Variants in ENOX2 observed in about 807,000 individuals in gnomAD.
ENOX2 encodes APK1 antigen.
In ENOX2, 36 loss-of-function variants were observed where a neutral mutation model predicts 45.0. That is an observed-to-expected ratio of 0.80 (90% confidence interval 0.61 to 1.06). The LOEUF (loss-of-function observed/expected upper bound fraction) is 1.06, where lower values mean the gene tolerates loss of function less well. ENOX2 is among the 50% of genes least tolerant of loss of function. ENOX2 has a pLI of 0.00. For missense variants in ENOX2, 423 were observed against 462.5 expected (o/e 0.91, Z 0.78); for synonymous variants, 174 against 152.3 (o/e 1.14, Z -1.05).
At chrX:130,709,575 T>C (rs781170293) in intron 3 of ENOX2, among the ~76,000 whole-genome samples, 54 of 99,600 alleles carry the variant, frequency 5.4e-4, no homozygotes, top group Non-Finnish European at 7.7e-4. Context: ...GGGATGGAAG[T>C]TGCAGTGAGC....
At chrX:130,841,706 T>C (rs2078017798) in intron 2 of ENOX2, among the ~76,000 whole-genome samples, 1 of 112,004 alleles carries the variant, frequency 8.9e-6, no homozygotes, top group African/African-American at 3.2e-5. Context: ...AACTGTGAAA[T>C]CTGAGTCTAC....
intron 4 of ENOX2, among the ~76,000 whole-genome samples, chrX:130,693,494 C>A (rs2037671538): frequency 8.9e-6 from 1 of 111,943 alleles, no homozygotes; most frequent in Non-Finnish European, 1.9e-5. Flanking sequence ...AAGAGGCAGA[C>A]CTAGAATTCA....
intron 2 of ENOX2, among the ~76,000 whole-genome samples, chrX:130,785,004 G>C (rs2076947580): frequency 1.8e-5 from 2 of 109,845 alleles, no homozygotes; most frequent in Non-Finnish European, 3.8e-5. Flanking sequence ...TCAGCTAAAG[G>C]TCAATCAAGT....
chrX:130,629,859 C>A (rs1374923052), intron 13 of ENOX2, among the ~76,000 whole-genome samples: 1 of 111,910 alleles, frequency 8.9e-6, no homozygotes, highest in Non-Finnish European at 1.9e-5. Context: ...GAGCCTCAAT[C>A]TGCCACTGTT....
rs1260118779 is a variant in ENOX2 at position 130,635,001 on chromosome X, C to T, written c.1402G>A (p.Glu468Lys). Reference protein sequence around the residue: ...DDKLQVEKMLENLKEKESCAS... With the variant: ...DDKLQVEKMLKNLKEKESCAS... ...GCATGTACCTTTTCTTTAAGATTTT[C>T]CAACATTTTTTCCACCTGTAACTTG... Residue 468 changes from glutamate to lysine, a missense_variant, in exon 12 of 15, where the codon GAA becomes AAA. Coordinates refer to ENST00000394363, the MANE Select transcript of ENOX2 (RefSeq NM_006375.4). The T allele has an allele frequency of 6.0e-6, 7 of 1,168,521 alleles. No homozygotes were observed. The highest frequency in any genetic ancestry group is 6.0e-5 in the East Asian group (2 of 33,547).
At chrX:130,678,571 G>A (rs746677548) in intron 6 of ENOX2, among the ~76,000 whole-genome samples, 3 of 109,585 alleles carry the variant, frequency 2.7e-5, no homozygotes, top group Non-Finnish European at 3.8e-5. Context: ...ATTTTGGAAC[G>A]CTCTTCCCCA....
In ENOX2 at chrX:130,670,142, C is replaced by T. The variant is rs754363472; in HGVS notation, c.517G>A (p.Val173Ile). 15 of 1,209,139 alleles carry T rather than the reference C, an allele frequency of 1.2e-5. No individual in the cohort carries two copies. The highest frequency in any genetic ancestry group is 2.3e-4 in the Middle Eastern group (1 of 4,360). ...TDKKDTGRLH[V>I]DFAQARDDLY... ...TCATCTCGAGCCTGTGCGAAATCAA[C>T]GTGGAGTCTGCCTGTGTCCTTCTTG... The change falls in exon 7 of 15, where the codon GTT becomes ATT. Residue 173 changes from valine to isoleucine, a missense_variant. Physicochemically the swap from Val to Ile is conservative, Grantham distance 29. Around this residue, in one of 5 missense-constraint regions of ENOX2, gnomAD observed 261 missense variants for 306.8 expected, o/e 0.85. Coordinates refer to ENST00000394363, the MANE Select transcript of ENOX2 (RefSeq NM_006375.4).
At chrX:130,806,357 T>C (rs1325040757) in intron 2 of ENOX2, among the ~76,000 whole-genome samples, 1 of 112,323 alleles carries the variant, frequency 8.9e-6, no homozygotes, top group Admixed American at 9.4e-5. Flanking sequence ...TAAATTTAAT[T>C]CTATGTACTA....
intron 2 of ENOX2, among the ~76,000 whole-genome samples, chrX:130,880,697 A>G (rs1484579047): frequency 8.9e-6 from 1 of 112,002 alleles, no homozygotes; most frequent in African/African-American, 3.2e-5. Context: ...AGTGTCTATG[A>G]CATAAACATT....
At chrX:130,636,775 T>C (rs577460659) in intron 11 of ENOX2, among the ~76,000 whole-genome samples, 1 of 112,732 alleles carries the variant, frequency 8.9e-6, no homozygotes, top group South Asian at 3.7e-4. Flanking sequence ...TAAAAACCTA[T>C]AATGTACCTA....
intron 3 of ENOX2, among the ~76,000 whole-genome samples, chrX:130,745,147 G>A (rs2039072516): frequency 9.0e-6 from 1 of 111,305 alleles, no homozygotes; most frequent in African/African-American, 3.3e-5. Context: ...TTTAATCTTT[G>A]CAATGACCTT....
intron 2 of ENOX2, among the ~76,000 whole-genome samples, chrX:130,877,712 G>A (rs1341089008): frequency 8.9e-6 from 1 of 111,772 alleles, no homozygotes; most frequent in East Asian, 2.8e-4. Flanking sequence ...GAATGATTCC[G>A]ATACTGAAAA....
At chrX:130,798,298 T>TGATTCTAATGTGCGGC (rs2077166538) in intron 2 of ENOX2, among the ~76,000 whole-genome samples, 1 of 112,463 alleles carries the variant, frequency 8.9e-6, no homozygotes, top group African/African-American at 3.2e-5. Flanking sequence ...AGCTACCAGG[T>TGATTCTAATGTGCGGC]GATTCTAATG....
At chrX:130,853,685 A>C (rs2078260332) in intron 2 of ENOX2, among the ~76,000 whole-genome samples, 1 of 110,160 alleles carries the variant, frequency 9.1e-6, no homozygotes, top group Non-Finnish European at 1.9e-5. Context: ...GGGGTGGTGT[A>C]TCAAAGAAGG....
chrX:130,665,938 C>T (rs2036823588), intron 8 of ENOX2, among the ~76,000 whole-genome samples, 189 bp from the exon 9 acceptor site: 1 of 110,704 alleles, frequency 9.0e-6, no homozygotes, highest in East Asian at 2.8e-4. Context: ...TTAAAGGAGA[C>T]GCAAAGGAAA....
At chrX:130,893,253 C>T (rs1377352346) in intron 2 of ENOX2, among the ~76,000 whole-genome samples, 2 of 111,861 alleles carry the variant, frequency 1.8e-5, no homozygotes, top group Admixed American at 9.5e-5. Context: ...CCTCTTTTAC[C>T]TAGTGTCTCA....
At chrX:130,895,515 G>A (rs2079048346) in intron 2 of ENOX2, among the ~76,000 whole-genome samples, 1 of 112,028 alleles carries the variant, frequency 8.9e-6, no homozygotes, top group African/African-American at 3.2e-5. Context: ...GTTCTCTGAA[G>A]TAACATTTTC....
chrX:130,817,321 C>T (rs2077506823), intron 2 of ENOX2, among the ~76,000 whole-genome samples: 1 of 111,847 alleles, frequency 8.9e-6, no homozygotes, highest in African/African-American at 3.3e-5. Context: ...GGATTCACAG[C>T]CAAATTCTAC....
intron 2 of ENOX2, among the ~76,000 whole-genome samples, chrX:130,847,103 G>A (rs1202336717): frequency 9.0e-6 from 1 of 111,715 alleles, no homozygotes; most frequent in Non-Finnish European, 1.9e-5. Context: ...TTTCACGTTT[G>A]TGTTAAAGAT....
Sources: allele counts gnomAD v4.1 joint callset (sites outside exome capture counted in the v4.1 genomes callset), GRCh38; gene constraint gnomAD v4.1.1; regional missense constraint gnomAD v4.1.1; transcripts MANE v1.5; gene names NCBI Gene and HGNC (gene_info 2026-07-23, HGNC 2026-07-21).